Variants in SPECC1L observed in about 807,000 individuals in gnomAD.
SPECC1L encodes the protein cytospin-A.
Under a neutral mutation model 116.8 loss-of-function variants are expected in SPECC1L, and 40 were observed. The observed-to-expected ratio is 0.34, with a 90% CI of 0.27 to 0.45. SPECC1L has a LOEUF of 0.45. Ranked by LOEUF, SPECC1L falls within the 20% of genes least tolerant of loss-of-function variation. The pLI is 1.00. For missense variants in SPECC1L, 1,110 were observed against 1,373.6 expected (o/e 0.81, Z 3.03); for synonymous variants, 504 against 500.6 (o/e 1.01, Z -0.09).
At chr22:24,364,661 C>CA (rs57580257) in intron 12 of SPECC1L, among the ~76,000 whole-genome samples, 3,338 of 105,358 alleles carry the variant, frequency 0.032, 61 homozygotes, top group Non-Finnish European at 0.037. Context: ...GACTCCCTCT[C>CA]AAAAAAAAAA....
intron 11 of SPECC1L, among the ~76,000 whole-genome samples, chr22:24,354,280 TTCTC>T (rs1314670353): frequency 1.3e-5 from 2 of 152,244 alleles, no homozygotes; most frequent in African/African-American, 4.8e-5. Flanking sequence ...TTCTTAAACT[TTCTC>T]TCACTGATTT....
intron 6 of SPECC1L, among the ~76,000 whole-genome samples, chr22:24,327,650 TA>T (rs201501093): frequency 1.3e-5 from 2 of 148,174 alleles, no homozygotes; most frequent in African/African-American, 2.5e-5. Context: ...GGATACTTAT[TA>T]AAAAAAAAAC....
intron 10 of SPECC1L, among the ~76,000 whole-genome samples, 172 bp from the exon 11 acceptor site, chr22:24,346,914 A>T (rs1019558298): frequency 2.6e-5 from 4 of 152,212 alleles, no homozygotes; most frequent in Admixed American, 6.5e-5. Context: ...TCTAATTTTT[A>T]AAAAAAGTAT....
intron 11 of SPECC1L, among the ~76,000 whole-genome samples, chr22:24,360,615 TAGAC>T (rs2041624957): frequency 6.6e-6 from 1 of 152,198 alleles, no homozygotes; most frequent in Non-Finnish European, 1.5e-5. Flanking sequence ...TAAGATAACT[TAGAC>T]AGTTTTCATG....
chr22:24,405,837 T>TA (rs1480841175), intron 14 of SPECC1L, among the ~76,000 whole-genome samples: 1 of 95,116 alleles, frequency 1.1e-5, no homozygotes. Flanking sequence ...AGACTCTGCC[T>TA]CAAAAAAAAA....
intron 14 of SPECC1L, among the ~76,000 whole-genome samples, chr22:24,372,422 C>T (rs1447144827): frequency 9.9e-5 from 15 of 152,076 alleles, no homozygotes; most frequent in Admixed American, 5.9e-4. Flanking sequence ...CTGCTGGATC[C>T]ACCATGATCA....
intron 6 of SPECC1L, among the ~76,000 whole-genome samples, chr22:24,325,222 C>T (rs1189761129): frequency 6.6e-6 from 1 of 152,144 alleles, no homozygotes; most frequent in Non-Finnish European, 1.5e-5. Flanking sequence ...CAGTAGATGG[C>T]AGTGTCCCTC....
chr22:24,398,111 C>T (rs2042401558), intron 14 of SPECC1L, among the ~76,000 whole-genome samples: 1 of 152,220 alleles, frequency 6.6e-6, no homozygotes, highest in South Asian at 2.1e-4. Context: ...ACTCAGGAAC[C>T]AGCATGGCTG....
rs369406548 is a variant in SPECC1L at position 24,363,941 on chromosome 22, G to A, written c.2827+597G>A. 2.5e-3 allele frequency among the ~76,000 whole-genome samples: 364 copies of A among 145,172 alleles called. 7 individuals are homozygous for A. The South Asian group carries it at 0.066, about 26-fold the overall frequency. On this transcript the variant is annotated intron_variant, in intron 12 of 16. Coordinates refer to ENST00000314328, the MANE Select transcript of SPECC1L (RefSeq NM_015330.6). ...GGTGGGGGTGGGGGTGGGGGTGGGA[G>A]TGGGGGCAGCAGTTTTTAGTAATCA...
rs1337163184 is a variant in SPECC1L at position 24,417,514 on chromosome 22, G to C, written c.*2891G>C. 4 of 152,324 alleles carry C rather than the reference G, an allele frequency of 2.6e-5. No homozygotes were observed. The highest frequency in any genetic ancestry group is 7.2e-5 in the African/African-American group (3 of 41,460). 9.4% of individuals were successfully genotyped at this position (152,324 alleles called of 1,614,324 possible). ...CTGTAACCACTAGGGTTCTGTGACA[G>C]ATGCCAAGACCCCAGAGACCGTGGC... On this transcript the variant is annotated 3_prime_UTR_variant, in exon 17 of 17. Transcript: ENST00000314328.
intron 4 of SPECC1L, among the ~76,000 whole-genome samples, chr22:24,317,109 G>T (rs1187215764): frequency 8.5e-6 from 1 of 118,036 alleles, no homozygotes; most frequent in African/African-American, 3.0e-5. Context: ...CTCCCTCCTG[G>T]ACGGGGCGGC....
At chr22:24,388,307 C>T (rs1349854542) in intron 14 of SPECC1L, among the ~76,000 whole-genome samples, 51 of 145,206 alleles carry the variant, frequency 3.5e-4, no homozygotes, top group African/African-American at 1.3e-3. Flanking sequence ...TGTTCAATTC[C>T]CACCTATGAG....
intron 2 of SPECC1L, among the ~76,000 whole-genome samples, chr22:24,282,522 A>G (rs987227929): frequency 5.9e-5 from 9 of 152,196 alleles, no homozygotes; most frequent in South Asian, 2.1e-4. Context: ...AATCGTGGTA[A>G]AAGTGGATTT....
At chr22:24,396,625 CAT>C (rs576927028) in intron 14 of SPECC1L, among the ~76,000 whole-genome samples, 2 of 152,152 alleles carry the variant, frequency 1.3e-5, no homozygotes, top group Non-Finnish European at 2.9e-5. Context: ...ATTTCTGAAA[CAT>C]ATTATTATTT....
intron 3 of SPECC1L, chr22:24,304,363 T>C (rs2049446599): frequency 6.6e-6 from 1 of 152,208 alleles, no homozygotes; most frequent in African/African-American, 2.4e-5. Context: ...CTAGATGTAG[T>C]TGAGGGTTAA....
intron 6 of SPECC1L, among the ~76,000 whole-genome samples, chr22:24,325,546 T>G (rs1015950511): frequency 1.1e-3 from 97 of 87,510 alleles, no homozygotes; most frequent in Non-Finnish European, 2.1e-3. Flanking sequence ...TGGATTTATT[T>G]ATTTATTTAT....
intron 13 of SPECC1L, among the ~76,000 whole-genome samples, chr22:24,368,796 G>A (rs1230374175): frequency 3.9e-5 from 6 of 152,008 alleles, no homozygotes; most frequent in Admixed American, 1.3e-4. Context: ...ACAGACACCC[G>A]CCACCATGCC....
chr22:24,403,405 A>G (rs1326471358), intron 14 of SPECC1L, among the ~76,000 whole-genome samples: 1 of 152,232 alleles, frequency 6.6e-6, no homozygotes, highest in African/African-American at 2.4e-5. Flanking sequence ...ATTATTTTAA[A>G]AAAGTTAATT....
chr22:24,294,384 C>CTTT (rs554852361), intron 2 of SPECC1L, among the ~76,000 whole-genome samples: 3 of 135,546 alleles, frequency 2.2e-5, no homozygotes, highest in African/African-American at 8.2e-5. Flanking sequence ...TGTCCTAGTC[C>CTTT]TTTTTTTTTT....
Sources: allele counts gnomAD v4.1 joint callset (sites outside exome capture counted in the v4.1 genomes callset), GRCh38; gene constraint gnomAD v4.1.1; transcripts MANE v1.5; gene names NCBI Gene and HGNC (gene_info 2026-07-23, HGNC 2026-07-21).